C11orf65: variants seen among roughly 807,000 people sequenced by gnomAD.
The protein encoded by C11orf65 is protein MFI.
In C11orf65, 38 loss-of-function variants were observed where a neutral mutation model predicts 35.3. That is an observed-to-expected ratio of 1.08 (90% CI 0.83 to 1.41). The LOEUF is 1.41. Ranked by LOEUF, C11orf65 falls within the 40% of genes most tolerant of loss-of-function variation. The probability of loss-of-function intolerance (pLI) is 0.00; values close to 1 mark genes in which losing one functional copy is unlikely to be tolerated. For missense variants in C11orf65, 370 were observed against 367.1 expected (o/e 1.01, Z -0.06); for synonymous variants, 105 against 114.4 (o/e 0.92, Z 0.53).
chr11:108,331,919 T>C, intron 3 of C11orf65: 1 of 1,614,018 alleles, frequency 6.2e-7, no homozygotes, highest in Non-Finnish European at 8.5e-7. Context: ...CATCACACTT[T>C]GTTTATTATA....
intron 6 of C11orf65, 37 bp downstream of exon 6, chr11:108,405,392 A>G (rs1591481532): frequency 6.3e-7 from 1 of 1,597,240 alleles, no homozygotes; most frequent in East Asian, 2.2e-5. Context: ...TTCCCAAAAT[A>G]CTACGTATTT....
rs60928526 is a variant in C11orf65 at position 108,459,726 on chromosome 11, TACACACACACACACACACAC to T, written c.81+1733_81+1752del. Among the ~76,000 whole-genome samples, 8 of 138,666 alleles carry T rather than the reference TACACACACACACACACACAC, an allele frequency of 5.8e-5. No individual in the cohort carries two copies. In the South Asian group the frequency reaches 7.4e-4, roughly 13 times the overall value. The allele number at this position is 138,666 out of a possible 152,430, so 91.0% of individuals were successfully genotyped here. On this transcript the variant is annotated intron_variant, in intron 2 of 8. Transcript: ENST00000393084. ...AGAAGGTGAAAATGTGTCCTCCGTC[TACACACACACACACACACAC>T]ACACACACACACACACACACACACC...
At chr11:108,359,580 G>A (rs370899443) in intron 2 of C11orf65, among the ~76,000 whole-genome samples, 3 of 151,928 alleles carry the variant, frequency 2.0e-5, no homozygotes, top group East Asian at 1.9e-4. Flanking sequence ...AAAGAACAGA[G>A]ATTATAACAA....
At chr11:108,407,248 T>C in intron 3 of C11orf65, 99 bp from the exon 4 acceptor site, 1 of 878,174 alleles carries the variant, frequency 1.1e-6, no homozygotes, top group Non-Finnish European at 1.7e-6. Context: ...TTGCTAAATA[T>C]TGACTATTTA....
chr11:108,354,033 C>G (rs1457128124), intron 2 of C11orf65, among the ~76,000 whole-genome samples: 1 of 150,088 alleles, frequency 6.7e-6, no homozygotes, highest in Non-Finnish European at 1.5e-5. Flanking sequence ...CTAGGCAATA[C>G]AGCAAGACCC....
rs2093555666 is a variant in C11orf65 at position 108,467,514 on chromosome 11, C to G, written c.-53G>C. ...GCGCCGCTGGACTCCTAGGTAACGT[C>G]GCAGGCGGAAATGACGTAACTCAAT... On this transcript the variant is annotated 5_prime_UTR_variant, in exon 1 of 9. Transcript: ENST00000393084. The G allele has an allele frequency of 6.6e-6, 1 of 152,316 alleles. No homozygotes were observed. Among genetic ancestry groups the G allele is most frequent in the Non-Finnish European group, 1.5e-5 (1 of 68,154 alleles). The allele number at this position is 152,316 out of a possible 1,614,324, so 9.4% of individuals were successfully genotyped here.
At chr11:108,386,530 T>C (rs1263287492) in intron 7 of C11orf65, among the ~76,000 whole-genome samples, 1 of 152,186 alleles carries the variant, frequency 6.6e-6, no homozygotes, top group African/African-American at 2.4e-5. Context: ...CCTCAGCTCC[T>C]GAACAGAGAC....
intron 2 of C11orf65, among the ~76,000 whole-genome samples, chr11:108,452,324 AC>A (rs1374512776): frequency 6.6e-6 from 1 of 152,088 alleles, no homozygotes; most frequent in East Asian, 1.9e-4. Context: ...AAATCAAACC[AC>A]CCCATCAAAA....
rs139562281 is a variant in C11orf65 at position 108,322,257 on chromosome 11, C to T, written c.641-13186G>A. Among the ~76,000 whole-genome samples, 1,224 of 152,190 alleles carry T rather than the reference C, an allele frequency of 8.0e-3. 7 individuals are homozygous for T. Among genetic ancestry groups the T allele is most frequent in the African/African-American group, 0.025 (1,048 of 41,524 alleles). The stretch of plus-strand genomic sequence containing the variant: ...GCAGTCTCCACCTCCCAGGTTCAAG[C>T]GATTCTCCTGCCTCAGCCTCCCGAG... On this transcript the variant is annotated intron_variant, in intron 6 of 6. Coordinates refer to the C11orf65 transcript ENST00000525729.
At chr11:108,394,031 T>C (rs1012015129) in intron 6 of C11orf65, among the ~76,000 whole-genome samples, 9 of 151,644 alleles carry the variant, frequency 5.9e-5, no homozygotes, top group Admixed American at 2.0e-4. Context: ...AATACAAAAA[T>C]TAGCTGGGCA....
intron 3 of C11orf65, among the ~76,000 whole-genome samples, chr11:108,428,757 C>A (rs1565683896): frequency 2.0e-5 from 3 of 152,070 alleles, no homozygotes; most frequent in Non-Finnish European, 4.4e-5. Context: ...TACATGTATA[C>A]CTATGTAACA....
At chr11:108,383,381 C>T (rs899022446) in intron 8 of C11orf65, among the ~76,000 whole-genome samples, 1 of 152,202 alleles carries the variant, frequency 6.6e-6, no homozygotes, top group East Asian at 1.9e-4. Flanking sequence ...AAAGGCTCTG[C>T]AGGACCTGGG....
At chr11:108,412,616 G>T (rs2092677307) in intron 3 of C11orf65, among the ~76,000 whole-genome samples, 1 of 152,116 alleles carries the variant, frequency 6.6e-6, no homozygotes, top group African/African-American at 2.4e-5. Context: ...TGCACCAGTA[G>T]TCCCAGCTAC....
intron 2 of C11orf65, among the ~76,000 whole-genome samples, chr11:108,455,922 G>A (rs1482197773): frequency 6.6e-6 from 1 of 151,938 alleles, no homozygotes; most frequent in Non-Finnish European, 1.5e-5. Context: ...GGGAGGCCAA[G>A]GTGGGTAGAT....
At chr11:108,388,703 G>A (rs2092075656) in intron 7 of C11orf65, among the ~76,000 whole-genome samples, 1 of 152,204 alleles carries the variant, frequency 6.6e-6, no homozygotes, top group African/African-American at 2.4e-5. Flanking sequence ...AAAACGTGAT[G>A]ATCCTGGAAG....
At chr11:108,327,143 G>T (rs1019762066), downstream of C11orf65, among the ~76,000 whole-genome samples, 2 of 151,988 alleles carry the variant, frequency 1.3e-5, no homozygotes, top group Middle Eastern at 3.2e-3. Flanking sequence ...TGTACTTTTT[G>T]ATGTTGGGCA....
intron 2 of C11orf65, among the ~76,000 whole-genome samples, chr11:108,451,863 C>T (rs895500960): frequency 6.6e-6 from 1 of 152,176 alleles, no homozygotes; most frequent in African/African-American, 2.4e-5. Context: ...ACATCTACAA[C>T]CATCTGATCT....
chr11:108,443,196 C>CT (rs1179486944), intron 2 of C11orf65, among the ~76,000 whole-genome samples: 1 of 150,986 alleles, frequency 6.6e-6, no homozygotes, highest in Non-Finnish European at 1.5e-5. Flanking sequence ...ATAAAACAGA[C>CT]TTACACCAAC....
rs1457450750 is a variant in C11orf65, at chr11:108,407,337, G to A, written c.175-188C>T. On this transcript the variant is annotated intron_variant, in intron 3 of 8. Coordinates refer to ENST00000393084, the MANE Select transcript of C11orf65 (RefSeq NM_152587.5). ...TGTTAAAAAAATTTTTTTGAGATGG[G>A]ATTTCACTCTGTTGCCCAGGCTGGA... 2.6e-5 allele frequency among the ~76,000 whole-genome samples: 4 copies of A among 151,938 alleles called. No individual in the cohort carries two copies. In the East Asian group the frequency reaches 7.8e-4, roughly 30 times the overall value.
Sources: gnomAD v4.1 joint callset for allele counts (sites outside exome capture counted in the v4.1 genomes callset) on GRCh38, gnomAD v4.1.1 for gene constraint, MANE v1.5 for transcripts, NCBI Gene and HGNC (gene_info 2026-07-23, HGNC 2026-07-21) for gene names.